The following NRXN1 variants were observed in gnomAD, a reference collection of about 807,000 sequenced individuals.
NRXN1 encodes the protein neurexin 1.
A neutral mutation model predicts 150.9 loss-of-function variants in NRXN1; 39 were observed. The observed-to-expected ratio is 0.26, with a 90% CI of 0.20 to 0.34. The LOEUF is 0.34. NRXN1 is among the 10% of genes least tolerant of loss of function. NRXN1 has a pLI of 1.00. For missense variants in NRXN1, 1,815 were observed against 1,949.9 expected, an observed-to-expected ratio of 0.93 and a Z score of 1.30; for synonymous variants, 924 against 757.0, an observed-to-expected ratio of 1.22 and a Z score of -3.62.
At chr2:50,801,307 A>G (rs1436312188) in intron 5 of NRXN1, among the ~76,000 whole-genome samples, 1 of 152,198 alleles carries the variant, frequency 6.6e-6, no homozygotes, top group East Asian at 1.9e-4. Context: ...TGTACCTATG[A>G]CAAGTAGTAT....
At chr2:51,005,191 T>C (rs1700558168) in intron 2 of NRXN1, among the ~76,000 whole-genome samples, 1 of 152,000 alleles carries the variant, frequency 6.6e-6, no homozygotes, top group South Asian at 2.1e-4. Flanking sequence ...TCATCTTCTT[T>C]ATTCCAAGTT....
intron 5 of NRXN1, among the ~76,000 whole-genome samples, chr2:50,742,962 A>G (rs1464691671): frequency 1.3e-5 from 2 of 152,226 alleles, no homozygotes; most frequent in Non-Finnish European, 2.9e-5. Context: ...GAACAAGTGA[A>G]GAGACAATGT....
chr2:50,643,961 ATAATT>A (rs1306647033), intron 5 of NRXN1, among the ~76,000 whole-genome samples: 6 of 151,872 alleles, frequency 4.0e-5, no homozygotes, highest in South Asian at 2.1e-4. Context: ...CCCTCAGTCT[ATAATT>A]TAAAGTTTGA....
chr2:50,555,586 A>T (rs1383835523), intron 8 of NRXN1, among the ~76,000 whole-genome samples: 1 of 152,234 alleles, frequency 6.6e-6, no homozygotes, highest in Admixed American at 6.5e-5. Flanking sequence ...ACCACAGCGC[A>T]GCACCAAGAT....
intron 18 of NRXN1, among the ~76,000 whole-genome samples, chr2:50,235,136 G>A (rs1056830659): frequency 1.3e-5 from 2 of 152,016 alleles, no homozygotes; most frequent in Non-Finnish European, 2.9e-5. Context: ...AGAAGGAAAA[G>A]GCCCTTGTTT....
chr2:50,294,547 C>T (rs1378655332), intron 17 of NRXN1, among the ~76,000 whole-genome samples: 1 of 152,130 alleles, frequency 6.6e-6, no homozygotes, highest in African/African-American at 2.4e-5. Flanking sequence ...TGGTGAAGTT[C>T]ATTGTGAAGG....
At chr2:50,090,583 C>T (rs1699425026) in intron 19 of NRXN1, among the ~76,000 whole-genome samples, 1 of 152,022 alleles carries the variant, frequency 6.6e-6, no homozygotes, top group Non-Finnish European at 1.5e-5. Context: ...ATATATACAA[C>T]CACAAGTAAC....
At chr2:50,996,493 C>A (rs1303995682) in intron 2 of NRXN1, among the ~76,000 whole-genome samples, 1 of 152,064 alleles carries the variant, frequency 6.6e-6, no homozygotes, top group Non-Finnish European at 1.5e-5. Flanking sequence ...TTATTTCTCA[C>A]ATATTTAATT....
At position 50,135,890 on chromosome 2, in the gene NRXN1, T is replaced by C. The variant is rs545174206; in HGVS notation, c.3547-44396A>G. ...GTATTCCTGAAAGAAAATTGAGACA[T>C]AACATGGATAATGTAAAGCCTATAT... On this transcript the variant is annotated intron_variant, in intron 18 of 22. Coordinates refer to ENST00000401669, the MANE Select transcript of NRXN1 (RefSeq NM_001330078.2). Among the ~76,000 whole-genome samples the C allele has an allele frequency of 7.9e-5, 12 of 152,312 alleles. No individual in the cohort carries two copies. In the East Asian group the frequency reaches 1.2e-3, roughly 15 times the overall value.
chr2:50,762,332 T>C (rs193275061), intron 5 of NRXN1, among the ~76,000 whole-genome samples: 6 of 151,442 alleles, frequency 4.0e-5, no homozygotes, highest in Non-Finnish European at 5.9e-5. Flanking sequence ...CTTTTTTAAA[T>C]TTTTTTTTCA....
chr2:50,858,492 T>C (rs1675598817), intron 5 of NRXN1, among the ~76,000 whole-genome samples: 2 of 152,012 alleles, frequency 1.3e-5, no homozygotes, highest in Admixed American at 1.3e-4. Context: ...ATGCAATTTA[T>C]TTTACAGTGT....
At chr2:50,701,478 C>G (rs1023517310) in intron 5 of NRXN1, among the ~76,000 whole-genome samples, 15 of 152,148 alleles carry the variant, frequency 9.9e-5, no homozygotes, top group African/African-American at 3.6e-4. Flanking sequence ...AAAATTAAAC[C>G]TTTTGCCTAC....
At chr2:50,413,545 G>C (rs759150959) in intron 17 of NRXN1, among the ~76,000 whole-genome samples, 1 of 152,116 alleles carries the variant, frequency 6.6e-6, no homozygotes. Context: ...ATGCCTGTGA[G>C]GATGTGGAGA....
At chr2:50,905,793 C>T (rs1683581874) in intron 5 of NRXN1, among the ~76,000 whole-genome samples, 1 of 152,030 alleles carries the variant, frequency 6.6e-6, no homozygotes, top group South Asian at 2.1e-4. Flanking sequence ...TTATGTTCCA[C>T]AAAGGGCTTT....
At chr2:49,982,952 A>T (rs72887822) in intron 21 of NRXN1, among the ~76,000 whole-genome samples, 5 of 152,162 alleles carry the variant, frequency 3.3e-5, no homozygotes, top group Non-Finnish European at 5.9e-5. Context: ...GCTATGTTCT[A>T]TAACATCTTT....
intron 17 of NRXN1, among the ~76,000 whole-genome samples, chr2:50,387,536 T>C (rs2081406045): frequency 6.6e-6 from 1 of 152,144 alleles, no homozygotes. Context: ...TATAACTGTT[T>C]TAACCTTTAC....
intron 18 of NRXN1, among the ~76,000 whole-genome samples, chr2:50,166,198 G>C (rs1447289327): frequency 4.0e-5 from 6 of 151,652 alleles, no homozygotes; most frequent in Non-Finnish European, 5.9e-5. Flanking sequence ...TAAGTGCAAT[G>C]CAAATATTTC....
At chr2:50,319,959 C>T (rs2075893197) in intron 17 of NRXN1, among the ~76,000 whole-genome samples, 1 of 151,904 alleles carries the variant, frequency 6.6e-6, no homozygotes, top group Non-Finnish European at 1.5e-5. Context: ...CAAGACATGG[C>T]TCCTTTTTTA....
intron 2 of NRXN1, among the ~76,000 whole-genome samples, chr2:50,988,966 A>G (rs1698129978): frequency 6.6e-6 from 1 of 151,462 alleles, no homozygotes; most frequent in Admixed American, 6.6e-5. Context: ...CTTTCAATTT[A>G]TTTATTTTCT....
Sources: gnomAD v4.1 joint callset for allele counts (sites outside exome capture counted in the v4.1 genomes callset) on GRCh38, gnomAD v4.1.1 for gene constraint, MANE v1.5 for transcripts, NCBI Gene and HGNC (gene_info 2026-07-23, HGNC 2026-07-21) for gene names.